The following LDB2 variants were observed in gnomAD, a reference collection of about 807,000 sequenced individuals.
LDB2 encodes LIM domain-binding protein 2.
LDB2 carries 12 observed loss-of-function variants against 44.3 expected under a neutral mutation model. The observed-to-expected ratio is 0.27, with a 90% CI of 0.17 to 0.44. The LOEUF is 0.44. LDB2 is among the 20% of genes least tolerant of loss of function. LDB2 has a pLI of 1.00. For missense variants in LDB2, 344 were observed against 473.5 expected, an observed-to-expected ratio of 0.73 and a Z score of 2.54; for synonymous variants, 164 against 174.8, an observed-to-expected ratio of 0.94 and a Z score of 0.49.
intron 2 of LDB2, among the ~76,000 whole-genome samples, chr4:16,627,717 C>T (rs890430335): frequency 2.6e-5 from 4 of 152,286 alleles, no homozygotes; most frequent in South Asian, 2.1e-4. Flanking sequence ...CTTGTGAAAT[C>T]GCTTCTCTTT....
chr4:16,544,081 A>G (rs932083854), intron 5 of LDB2, among the ~76,000 whole-genome samples: 1 of 152,184 alleles, frequency 6.6e-6, no homozygotes, highest in Non-Finnish European at 1.5e-5. Context: ...AAACAAACAC[A>G]TGTAGAATGT....
intron 2 of LDB2, among the ~76,000 whole-genome samples, chr4:16,726,930 A>G (rs1324251875): frequency 2.0e-5 from 3 of 152,236 alleles, no homozygotes; most frequent in African/African-American, 4.8e-5. Context: ...AAAAAATTAC[A>G]TATGTACATT....
chr4:16,613,161 T>C (rs960837835), intron 2 of LDB2, among the ~76,000 whole-genome samples: 3 of 152,090 alleles, frequency 2.0e-5, no homozygotes, highest in African/African-American at 7.2e-5. Flanking sequence ...AAATTCAACA[T>C]CCCTTCATGT....
At chr4:16,850,366 A>C (rs1016872713) in intron 1 of LDB2, among the ~76,000 whole-genome samples, 1 of 151,894 alleles carries the variant, frequency 6.6e-6, no homozygotes, top group Non-Finnish European at 1.5e-5. Flanking sequence ...TTTCCCTTGC[A>C]TGCAAAAAAA....
intron 1 of LDB2, among the ~76,000 whole-genome samples, chr4:16,886,534 C>T (rs575752264): frequency 1.9e-4 from 29 of 152,220 alleles, no homozygotes; most frequent in African/African-American, 7.0e-4. Context: ...AAATTAAAGA[C>T]GATTTTCTTT....
intron 1 of LDB2, among the ~76,000 whole-genome samples, chr4:16,800,162 T>C (rs1334131444): frequency 2.0e-5 from 3 of 148,982 alleles, no homozygotes; most frequent in South Asian, 4.3e-4. Flanking sequence ...AAAAAAAAAA[T>C]GTGAAAAGCT....
In LDB2 at chr4:16,649,480, T is replaced by C. The variant is rs138908365; in HGVS notation, c.236-53605A>G. On this transcript the variant is annotated intron_variant, in intron 2 of 7. Coordinates refer to ENST00000304523, the MANE Select transcript of LDB2 (RefSeq NM_001290.5). ...TACACAAAGCAGCATAGCCATTACA[T>C]ACCTTCTACATTTGAGTAGATTAAG... is the stretch of plus-strand genomic sequence containing the variant. 2.3e-3 allele frequency among the ~76,000 whole-genome samples: 357 copies of C among 152,334 alleles called. 2 individuals carry two copies. Among genetic ancestry groups the C allele is most frequent in the African/African-American group, 8.2e-3 (343 of 41,576 alleles).
At chr4:16,821,685 G>A (rs946225098) in intron 1 of LDB2, among the ~76,000 whole-genome samples, 16 of 133,236 alleles carry the variant, frequency 1.2e-4, no homozygotes, top group African/African-American at 3.6e-4. Context: ...CACCGCGCCC[G>A]GCCGGAATAT....
At chr4:16,891,280 G>A (rs1482054519) in intron 1 of LDB2, among the ~76,000 whole-genome samples, 2 of 139,574 alleles carry the variant, frequency 1.4e-5, no homozygotes, top group Non-Finnish European at 3.1e-5. Context: ...TCACTCTTCA[G>A]ATAAAGTGGG....
At chr4:16,594,730 G>A (rs1382337554) in intron 3 of LDB2, among the ~76,000 whole-genome samples, 6 of 152,134 alleles carry the variant, frequency 3.9e-5, no homozygotes, top group African/African-American at 4.8e-5. Flanking sequence ...TATACATTGG[G>A]CTTCTGCAAT....
At chr4:16,798,671 C>G (rs1777187899) in intron 1 of LDB2, among the ~76,000 whole-genome samples, 1 of 152,180 alleles carries the variant, frequency 6.6e-6, no homozygotes, top group Non-Finnish European at 1.5e-5. Context: ...ACTTGGCCTT[C>G]TCTGTAAGAA....
chr4:16,868,909 A>G (rs1715594799), intron 1 of LDB2, among the ~76,000 whole-genome samples: 2 of 152,076 alleles, frequency 1.3e-5, no homozygotes, highest in Admixed American at 1.3e-4. Flanking sequence ...TGAAGATGAT[A>G]ATGAAGAGGA....
chr4:16,806,355 G>A (rs1395211539), intron 1 of LDB2, among the ~76,000 whole-genome samples: 1 of 152,122 alleles, frequency 6.6e-6, no homozygotes, highest in African/African-American at 2.4e-5. Flanking sequence ...GAAGAGTGGG[G>A]TGTATCTTTC....
chr4:16,806,163 G>A (rs969612958), intron 1 of LDB2, among the ~76,000 whole-genome samples: 2 of 152,186 alleles, frequency 1.3e-5, no homozygotes, highest in African/African-American at 2.4e-5. Context: ...ACCAACTGAT[G>A]GCCATGACTT....
intron 2 of LDB2, among the ~76,000 whole-genome samples, chr4:16,714,454 G>A (rs1756611619): frequency 6.6e-6 from 1 of 152,082 alleles, no homozygotes; most frequent in Non-Finnish European, 1.5e-5. Flanking sequence ...TTTGCTGCCA[G>A]GACTACTCTC....
Position 16,739,668 on chromosome 4 carries a change from A to ATATG in LDB2, c.235+19489_235+19490insCATA, listed in dbSNP as rs1762723052. Among the ~76,000 whole-genome samples the ATATG allele has an allele frequency of 1.2e-4, 10 of 80,234 alleles. 1 individual carries two copies. Among genetic ancestry groups the ATATG allele is most frequent in the African/African-American group, 5.3e-4 (10 of 18,906 alleles). The allele number at this position is 80,234 out of a possible 152,430, so 52.6% of individuals were successfully genotyped here. A position where few individuals can be genotyped will look rare whatever the true frequency, so the allele number is the denominator to read the frequency against. On this transcript the variant is annotated intron_variant, in intron 2 of 7. Transcript: ENST00000304523. ...TACATATGTGTGTATATATGTATAT[A>ATATG]TACATATGTGTGTATATATGTATAT...
intron 1 of LDB2, among the ~76,000 whole-genome samples, chr4:16,853,759 T>G (rs762007724): frequency 6.6e-5 from 10 of 152,132 alleles, no homozygotes; most frequent in Non-Finnish European, 1.2e-4. Flanking sequence ...GAAAAGAAAC[T>G]GTGGTACATA....
intron 2 of LDB2, among the ~76,000 whole-genome samples, chr4:16,598,873 C>CT (rs1721782643): frequency 2.3e-5 from 2 of 86,138 alleles, no homozygotes; most frequent in African/African-American, 8.6e-5. Flanking sequence ...CCTTTTCTTT[C>CT]TTTCTTTTTT....
intron 3 of LDB2, among the ~76,000 whole-genome samples, chr4:16,589,573 T>C (rs1408187696): frequency 2.6e-5 from 4 of 152,224 alleles, no homozygotes; most frequent in Non-Finnish European, 5.9e-5. Context: ...AGCATTTTAA[T>C]CTTTTTTTGA....
Sources: gnomAD v4.1 joint callset for allele counts (sites outside exome capture counted in the v4.1 genomes callset) on GRCh38, gnomAD v4.1.1 for gene constraint, MANE v1.5 for transcripts, NCBI Gene and HGNC (gene_info 2026-07-23, HGNC 2026-07-21) for gene names.